Variants in ABCB5 observed in about 807,000 individuals in gnomAD.
ABCB5 encodes the protein ATP binding cassette subfamily B member 5.
In ABCB5, 155 loss-of-function variants were observed where a neutral mutation model predicts 144.2. The ratio of observed to expected loss-of-function variants is 1.08; its 90% CI spans 0.94 to 1.23. The LOEUF is 1.23. ABCB5 is among the 50% of genes most tolerant of loss of function. The pLI is 0.00. For missense variants in ABCB5, 1,830 were observed against 1,520.8 expected (o/e 1.20, Z -3.38); for synonymous variants, 610 against 528.6 (o/e 1.15, Z -2.11).
At chr7:20,710,043 C>T (rs1460017812) in intron 20 of ABCB5, among the ~76,000 whole-genome samples, 1 of 143,470 alleles carries the variant, frequency 7.0e-6, no homozygotes. Context: ...CCATCCTGGG[C>T]GACAGAGCAA....
intron 16 of ABCB5, 118 bp from the exon 17 acceptor site, chr7:20,698,289 C>T: frequency 4.9e-6 from 4 of 818,506 alleles, no homozygotes; most frequent in Non-Finnish European, 3.5e-6. Context: ...ATATTTTCTA[C>T]CCTGCTGTCT....
At chr7:20,652,882 C>T (rs1009469050) in intron 13 of ABCB5, among the ~76,000 whole-genome samples, 1 of 152,158 alleles carries the variant, frequency 6.6e-6, no homozygotes, top group African/African-American at 2.4e-5. Context: ...TTTTAATGGG[C>T]ATATTTCACA....
At chr7:20,625,360 A>G (rs1783886613) in intron 2 of ABCB5, among the ~76,000 whole-genome samples, 1 of 152,078 alleles carries the variant, frequency 6.6e-6, no homozygotes, top group Non-Finnish European at 1.5e-5. Flanking sequence ...GTCTTCTCTT[A>G]ATGTTTCAGA....
chr7:20,705,849 A>T (rs1031063423), intron 20 of ABCB5, among the ~76,000 whole-genome samples: 1 of 151,826 alleles, frequency 6.6e-6, no homozygotes, highest in Non-Finnish European at 1.5e-5. Context: ...TTTAATATAC[A>T]TCGGCAAGAT....
Position 20,745,238 on chromosome 7 carries a change from G to A in ABCB5, c.3229G>A (p.Asp1077Asn), listed in dbSNP as rs926486704. 2 of 1,613,922 alleles carry A rather than the reference G, an allele frequency of 1.2e-6. No individual in the cohort carries two copies. The highest frequency in any genetic ancestry group is 1.7e-6 in the Non-Finnish European group (2 of 1,179,856). ...YDPVQGQVLFDGVDAKELNVQ... is the reference protein window; with the variant it reads ...YDPVQGQVLFNGVDAKELNVQ... ...TCCAATCTGCTTTTGGCAGCTGTTT[G>A]ATGGTGTGGATGCAAAAGAATTGAA... is the stretch of plus-strand genomic sequence containing the variant. Residue 1077 changes from aspartate to asparagine, a missense_variant, in exon 26 of 28, where the codon GAT becomes AAT. Transcript: ENST00000404938.
chr7:20,634,957 TTA>T (rs1235197721), intron 5 of ABCB5, among the ~76,000 whole-genome samples: 1 of 152,166 alleles, frequency 6.6e-6, no homozygotes, highest in Non-Finnish European at 1.5e-5. Context: ...TTTTGAAGTC[TTA>T]GTCATGAATA....
intron 4 of ABCB5, among the ~76,000 whole-genome samples, chr7:20,629,122 G>C (rs1043936381): frequency 3.5e-5 from 5 of 144,332 alleles, no homozygotes; most frequent in African/African-American, 5.0e-5. Context: ...ATGTGCGTTA[G>C]AAACAAAGAG....
intron 24 of ABCB5, among the ~76,000 whole-genome samples, chr7:20,740,111 G>A (rs767144904): frequency 2.0e-5 from 3 of 152,160 alleles, no homozygotes; most frequent in Admixed American, 1.3e-4. Context: ...GTGGTGGCAC[G>A]CACCTGTAGT....
chr7:20,674,968 T>A (rs965158931), intron 14 of ABCB5, among the ~76,000 whole-genome samples: 2 of 151,910 alleles, frequency 1.3e-5, no homozygotes, highest in Non-Finnish European at 1.5e-5. Context: ...ACTTGTACAC[T>A]GAAAACTATA....
intron 5 of ABCB5, among the ~76,000 whole-genome samples, chr7:20,638,298 C>A (rs1196794024): frequency 2.0e-5 from 3 of 152,070 alleles, no homozygotes; most frequent in Non-Finnish European, 4.4e-5. Flanking sequence ...AGTATATTTA[C>A]ATGTATAGTG....
chr7:20,733,671 C>T (rs1311473652), intron 23 of ABCB5, among the ~76,000 whole-genome samples: 1 of 150,606 alleles, frequency 6.6e-6, no homozygotes, highest in Non-Finnish European at 1.5e-5. Context: ...TCGAGTCTCG[C>T]TCTGTCGCCC....
chr7:20,742,670 T>C (rs946995345), intron 24 of ABCB5, among the ~76,000 whole-genome samples: 8 of 152,094 alleles, frequency 5.3e-5, no homozygotes, highest in Non-Finnish European at 1.0e-4. Flanking sequence ...GTAGTGAAGA[T>C]AACAAGAAAC....
intron 20 of ABCB5, among the ~76,000 whole-genome samples, chr7:20,718,587 T>A (rs57607565): frequency 6.6e-6 from 1 of 152,218 alleles, no homozygotes; most frequent in South Asian, 2.1e-4. Context: ...AACCACAAAG[T>A]TTTTTAGGAA....
rs543930257 is a variant in ABCB5, at chr7:20,695,720, T to C, written c.2011-2687T>C. Among the ~76,000 whole-genome samples, 26 of 151,754 alleles carry C rather than the reference T, an allele frequency of 1.7e-4. 1 individual carries two copies. The South Asian group carries it at 4.8e-3, about 28-fold the overall frequency. On this transcript the variant is annotated intron_variant, in intron 16 of 27. Transcript: ENST00000404938. ...ATAAAGAACTCCCAAAGCACAATAA[T>C]AAAAATACAAACAACCCAATTAAAT... is the stretch of plus-strand genomic sequence containing the variant.
intron 20 of ABCB5, among the ~76,000 whole-genome samples, chr7:20,710,485 G>C (rs1284082665): frequency 2.1e-5 from 3 of 144,954 alleles, no homozygotes; most frequent in African/African-American, 7.7e-5. Flanking sequence ...TTCTTCTCTT[G>C]ATTTTTTCCT....
At chr7:20,655,649 C>T (rs1382291572) in intron 13 of ABCB5, among the ~76,000 whole-genome samples, 1 of 152,120 alleles carries the variant, frequency 6.6e-6, no homozygotes, top group African/African-American at 2.4e-5. Context: ...TGCTGATAGA[C>T]ATGAAAAGAT....
In ABCB5 at chr7:20,740,027, C is replaced by T. The variant is rs537685303; in HGVS notation, c.3024+888C>T. 2.0e-4 allele frequency among the ~76,000 whole-genome samples: 30 copies of T among 152,036 alleles called. No individual in the cohort carries two copies. In the South Asian group the frequency reaches 2.9e-3, roughly 15 times the overall value. On this transcript the variant is annotated intron_variant, in intron 24 of 27. Coordinates refer to ENST00000404938, the MANE Select transcript of ABCB5 (RefSeq NM_001163941.2). ...TGGGTGGATCACGAGGTCAGGAGAT[C>T]GAGTCCATCCTGGCTAACATGGTGA...
At chr7:20,733,662 C>T (rs1418345702) in intron 23 of ABCB5, among the ~76,000 whole-genome samples, 1 of 146,196 alleles carries the variant, frequency 6.8e-6, no homozygotes, top group Admixed American at 6.9e-5. Context: ...TTTTTAAGTT[C>T]GAGTCTCGCT....
At chr7:20,729,152 G>A (rs1267382463) in intron 23 of ABCB5, among the ~76,000 whole-genome samples, 2 of 152,108 alleles carry the variant, frequency 1.3e-5, no homozygotes, top group East Asian at 3.9e-4. Flanking sequence ...AAGTGTTTTT[G>A]TTATTTAGTC....
Sources: gnomAD v4.1 joint callset for allele counts (sites outside exome capture counted in the v4.1 genomes callset) on GRCh38, gnomAD v4.1.1 for gene constraint, MANE v1.5 for transcripts, NCBI Gene and HGNC (gene_info 2026-07-23, HGNC 2026-07-21) for gene names.